The following KAZN variants were observed in gnomAD, a reference collection of about 807,000 sequenced individuals.
KAZN encodes the protein kazrin.
KAZN carries 40 observed loss-of-function variants against 87.4 expected under a neutral mutation model. The observed-to-expected ratio is 0.46, with a 90% CI of 0.36 to 0.60. KAZN has a LOEUF of 0.60. Among genes scored for constraint, KAZN ranks in the 20% least tolerant of loss-of-function variants. The pLI is 0.00. For missense variants in KAZN, 898 were observed against 1,073.9 expected (o/e 0.84, Z 2.29); for synonymous variants, 466 against 458.3 (o/e 1.02, Z -0.22).
intron 1 of KAZN, among the ~76,000 whole-genome samples, chr1:14,700,935 A>G (rs140800892): frequency 2.0e-5 from 3 of 152,284 alleles, no homozygotes; most frequent in African/African-American, 7.2e-5. Context: ...TCTGCTCTCA[A>G]TGGGAAACTT....
intron 2 of KAZN, among the ~76,000 whole-genome samples, chr1:14,224,507 C>G (rs1647196185): frequency 6.6e-6 from 1 of 152,038 alleles, no homozygotes. Context: ...CAACAGATGC[C>G]AGAGAAAACT....
chr1:14,007,651 A>G (rs949517632), intron 1 of KAZN, among the ~76,000 whole-genome samples: 2 of 152,210 alleles, frequency 1.3e-5, no homozygotes, highest in Admixed American at 6.5e-5. Context: ...ATAAGCCACA[A>G]TTTTATCACA....
At position 14,172,849 on chromosome 1, in the gene KAZN, G is replaced by A. The variant is rs1321895190; in HGVS notation, c.92-7586G>A. ...TTTTCACTCGTGTATCTGGCACCTG[G>A]GCTGGATGGTTAGAAAGCTGAGGAT... On this transcript the variant is annotated intron_variant, in intron 1 of 16. Coordinates refer to the KAZN transcript ENST00000636203. Among the ~76,000 whole-genome samples, 4 of 152,180 alleles carry A rather than the reference G, an allele frequency of 2.6e-5. No individual in the cohort carries two copies. The East Asian group carries it at 7.7e-4, about 29-fold the overall frequency.
intron 1 of KAZN, among the ~76,000 whole-genome samples, chr1:14,886,437 T>C (rs76225023): frequency 8.8e-5 from 13 of 147,290 alleles, no homozygotes; most frequent in Non-Finnish European, 1.3e-4. Context: ...CACACACACA[T>C]ACACACACAC....
intron 1 of KAZN, among the ~76,000 whole-genome samples, chr1:14,000,811 C>T (rs2101142342): frequency 6.6e-6 from 1 of 150,710 alleles, no homozygotes; most frequent in Non-Finnish European, 1.5e-5. Context: ...GAGACGGAGT[C>T]TCGCTCTGTC....
At chr1:13,920,558 G>A (rs773092190) in intron 1 of KAZN, among the ~76,000 whole-genome samples, 3 of 152,182 alleles carry the variant, frequency 2.0e-5, no homozygotes, top group Non-Finnish European at 4.4e-5. Context: ...TCAAAGACAG[G>A]TTTACTTTGG....
At chr1:14,146,711 A>G (rs1645360843) in intron 1 of KAZN, among the ~76,000 whole-genome samples, 2 of 151,532 alleles carry the variant, frequency 1.3e-5, no homozygotes, top group Admixed American at 1.3e-4. Context: ...CTCAGAAAAA[A>G]AAAAAAAAAA....
intron 2 of KAZN, among the ~76,000 whole-genome samples, chr1:14,322,089 T>C (rs368455905): frequency 6.6e-6 from 1 of 152,112 alleles, no homozygotes; most frequent in Admixed American, 6.6e-5. Flanking sequence ...CACTGCTTGC[T>C]TAATCCTAAC....
intron 2 of KAZN, among the ~76,000 whole-genome samples, chr1:14,382,809 T>G (rs1463351749): frequency 6.6e-6 from 1 of 151,438 alleles, no homozygotes; most frequent in Non-Finnish European, 1.5e-5. Context: ...AGCAGCATGA[T>G]TTATAGTCCT....
At chr1:14,913,960 C>T (rs1035142045) in intron 1 of KAZN, among the ~76,000 whole-genome samples, 3 of 152,190 alleles carry the variant, frequency 2.0e-5, no homozygotes, top group Non-Finnish European at 2.9e-5. Flanking sequence ...GGGGATGTTA[C>T]ATAATTCCGA....
chr1:15,020,702 T>C (rs1314278297), intron 2 of KAZN, among the ~76,000 whole-genome samples: 1 of 152,170 alleles, frequency 6.6e-6, no homozygotes, highest in African/African-American at 2.4e-5. Context: ...GTTTCTAGTT[T>C]GGAGCTTTTA....
At position 14,592,824 on chromosome 1, in the gene KAZN, C is replaced by T. The variant is rs144170706; in HGVS notation, c.250-6159C>T. On this transcript the variant is annotated intron_variant, in intron 2 of 16. Coordinates refer to the KAZN transcript ENST00000636203. ...CCCTTTCAGCCTTCCCCCTTTCCAC[C>T]TTGTCCCACGTACGGATTCCTGGAA... is the stretch of plus-strand genomic sequence containing the variant. Among the ~76,000 whole-genome samples, 554 of 152,332 alleles carry T rather than the reference C, an allele frequency of 3.6e-3. 1 individual carries two copies. The highest frequency in any genetic ancestry group is 0.012 in the African/African-American group (488 of 41,578).
At chr1:14,981,358 G>A (rs1392705014) in intron 2 of KAZN, among the ~76,000 whole-genome samples, 1 of 152,230 alleles carries the variant, frequency 6.6e-6, no homozygotes, top group Non-Finnish European at 1.5e-5. Flanking sequence ...CCAGTCTTGT[G>A]TGTTTTGTAA....
At chr1:13,901,594 G>A (rs1639252589) in intron 1 of KAZN, among the ~76,000 whole-genome samples, 1 of 152,130 alleles carries the variant, frequency 6.6e-6, no homozygotes, top group African/African-American at 2.4e-5. Flanking sequence ...AATTCCAGAG[G>A]CCAAACTCTC....
chr1:14,170,619 T>TCACC (rs937150237), intron 1 of KAZN, among the ~76,000 whole-genome samples: 1 of 152,238 alleles, frequency 6.6e-6, no homozygotes, highest in Non-Finnish European at 1.5e-5. Flanking sequence ...TGTATAACCA[T>TCACC]CACCACTATC....
intron 1 of KAZN, among the ~76,000 whole-genome samples, chr1:13,918,093 T>G (rs555173012): frequency 1.3e-5 from 2 of 152,324 alleles, no homozygotes; most frequent in East Asian, 3.9e-4. Flanking sequence ...AGGGAGTGAT[T>G]TAGACTTTCA....
At chr1:14,734,325 T>G (rs1459016295) in intron 1 of KAZN, among the ~76,000 whole-genome samples, 3 of 107,376 alleles carry the variant, frequency 2.8e-5, no homozygotes, top group African/African-American at 1.1e-4. Flanking sequence ...TTTTTTTTTT[T>G]TGAGACAGAG....
At chr1:14,150,267 C>T (rs1215722010) in intron 1 of KAZN, among the ~76,000 whole-genome samples, 2 of 152,216 alleles carry the variant, frequency 1.3e-5, no homozygotes, top group East Asian at 1.9e-4. Flanking sequence ...AATTCACTAC[C>T]ATGAATAGCT....
chr1:14,883,335 A>AGGGAGGGAGGGAGGGAGG (rs1653572056), intron 1 of KAZN, among the ~76,000 whole-genome samples: 1 of 42,124 alleles, frequency 2.4e-5, no homozygotes, highest in Non-Finnish European at 5.6e-5. Context: ...AGAGAGAGAG[A>AGGGAGGGAGGGAGGGAGG]GAGAGAGAAA....
Sources: gnomAD v4.1 joint callset for allele counts (sites outside exome capture counted in the v4.1 genomes callset) on GRCh38, gnomAD v4.1.1 for gene constraint, MANE v1.5 for transcripts, NCBI Gene and HGNC (gene_info 2026-07-23, HGNC 2026-07-21) for gene names.